LOXL2: variants seen among roughly 807,000 people sequenced by gnomAD.
The protein encoded by LOXL2 is lysyl oxidase like 2.
In LOXL2, 70 loss-of-function variants were observed where a neutral mutation model predicts 93.0. The observed-to-expected ratio is 0.75, with a 90% CI of 0.62 to 0.92. The LOEUF (loss-of-function observed/expected upper bound fraction) is 0.92. Among genes scored for constraint, LOXL2 ranks in the 40% least tolerant of loss-of-function variants. The pLI is 0.00. For missense variants in LOXL2, 973 were observed against 1,054.9 expected (o/e 0.92, Z 1.08); for synonymous variants, 438 against 413.2 (o/e 1.06, Z -0.73).
chr8:23,360,451 G>A (rs1804271674), intron 2 of LOXL2, among the ~76,000 whole-genome samples, 186 bp from the exon 3 acceptor site: 1 of 152,322 alleles, frequency 6.6e-6, no homozygotes, highest in South Asian at 2.1e-4. Context: ...CTGGACCACA[G>A]TAAGCACCTG....
intron 7 of LOXL2, chr8:23,321,878 C>T (rs1803502236): frequency 2.1e-6 from 1 of 469,040 alleles, no homozygotes; most frequent in South Asian, 3.1e-5. Flanking sequence ...TGAGGTAACT[C>T]ACCTCAGATG....
At chr8:23,399,619 T>A (rs1404784117) in intron 1 of LOXL2, among the ~76,000 whole-genome samples, 1 of 152,232 alleles carries the variant, frequency 6.6e-6, no homozygotes, top group Non-Finnish European at 1.5e-5. Context: ...CCTCACCAGG[T>A]ACAGCTCCTG....
intron 1 of LOXL2, among the ~76,000 whole-genome samples, chr8:23,371,943 AAG>A (rs1171316351): frequency 6.6e-6 from 1 of 152,016 alleles, no homozygotes; most frequent in Non-Finnish European, 1.5e-5. Flanking sequence ...GAATCATTGT[AAG>A]AACCATATAC....
chr8:23,343,451 G>A (rs1210226006), intron 3 of LOXL2, among the ~76,000 whole-genome samples: 3 of 152,230 alleles, frequency 2.0e-5, no homozygotes, highest in East Asian at 1.9e-4. Context: ...GGACTGGGAG[G>A]TGGGGCTGGT....
intron 3 of LOXL2, among the ~76,000 whole-genome samples, chr8:23,342,408 A>G (rs912220841): frequency 2.0e-5 from 3 of 149,926 alleles, no homozygotes; most frequent in Non-Finnish European, 4.4e-5. Flanking sequence ...AGGGCCAGCC[A>G]CCAAAGAGCC....
Position 23,368,279 on chromosome 8 carries a change from C to T in LOXL2, c.73G>A (p.Ala25Thr). The T allele has an allele frequency of 6.2e-7, 1 of 1,613,732 alleles. No individual in the cohort carries two copies. ...TAATGGGGCCAGCTGTCATACTGTG[C>T]CAGGCTCAGGGGGGACAGGAGGGCC... ...MLALLSPLSL[A>T]QYDSWPHYPE... The change falls in exon 2 of 14, where the codon GCA (alanine) becomes ACA (threonine). Residue 25 changes from alanine to threonine, a missense_variant. Transcript: ENST00000389131.
intron 3 of LOXL2, among the ~76,000 whole-genome samples, chr8:23,353,654 AC>A (rs1470590555): frequency 6.6e-6 from 1 of 152,240 alleles, no homozygotes; most frequent in African/African-American, 2.4e-5. Flanking sequence ...GATGAAATAA[AC>A]CAAGCCTAGT....
intron 6 of LOXL2, among the ~76,000 whole-genome samples, chr8:23,325,263 A>G: frequency 6.6e-6 from 1 of 152,204 alleles, no homozygotes. Context: ...CTACTAGAAA[A>G]TGCAAAGTTA....
At chr8:23,397,565 T>G (rs1425857226) in intron 1 of LOXL2, among the ~76,000 whole-genome samples, 1 of 151,700 alleles carries the variant, frequency 6.6e-6, no homozygotes, top group African/African-American at 2.4e-5. Flanking sequence ...GATCACGAGG[T>G]CAGGAGATCG....
intron 3 of LOXL2, among the ~76,000 whole-genome samples, chr8:23,342,889 T>C (rs1332497934): frequency 6.6e-6 from 1 of 152,122 alleles, no homozygotes; most frequent in Non-Finnish European, 1.5e-5. Context: ...TAGTTGGAAG[T>C]AGAGGTGTAC....
intron 1 of LOXL2, among the ~76,000 whole-genome samples, chr8:23,371,812 A>AGGAAGGCATTAAAT (rs1322233290): frequency 6.7e-6 from 1 of 148,974 alleles, no homozygotes; most frequent in African/African-American, 2.5e-5. Context: ...CACGAAAGGC[A>AGGAAGGCATTAAAT]GGAAGGCATT....
intron 4 of LOXL2, among the ~76,000 whole-genome samples, chr8:23,338,460 G>A (rs1803831793): frequency 6.6e-6 from 1 of 152,182 alleles, no homozygotes; most frequent in Non-Finnish European, 1.5e-5. Flanking sequence ...GGTTAAGCAG[G>A]TGAGCTTCCG....
intron 3 of LOXL2, among the ~76,000 whole-genome samples, chr8:23,359,748 T>C (rs900367842): frequency 2.0e-5 from 3 of 152,252 alleles, no homozygotes; most frequent in African/African-American, 7.2e-5. Flanking sequence ...GGCAAGCTCC[T>C]GAGCATGGCA....
chr8:23,340,391 A>G (rs1002069515), intron 4 of LOXL2, among the ~76,000 whole-genome samples: 1 of 151,766 alleles, frequency 6.6e-6, no homozygotes, highest in Non-Finnish European at 1.5e-5. Context: ...TCCACTGGAC[A>G]CCCCTTAAGT....
intron 3 of LOXL2, 61 bp downstream of exon 3, chr8:23,360,029 C>T (rs563417623): frequency 2.9e-4 from 431 of 1,478,264 alleles, no homozygotes; most frequent in Middle Eastern, 1.6e-3. Context: ...ACGCAAAAAG[C>T]GAGTTGCATG....
intron 3 of LOXL2, 73 bp downstream of exon 3, chr8:23,360,017 A>G: frequency 5.0e-6 from 7 of 1,387,476 alleles, no homozygotes; most frequent in Non-Finnish European, 5.0e-6. Flanking sequence ...CTTGAAATCA[A>G]TACGCAAAAA....
intron 5 of LOXL2, among the ~76,000 whole-genome samples, chr8:23,329,500 T>C (rs1400270500): frequency 6.6e-6 from 1 of 152,224 alleles, no homozygotes; most frequent in African/African-American, 2.4e-5. Flanking sequence ...ACTCCAGCTG[T>C]CCACATACCC....
intron 10 of LOXL2, among the ~76,000 whole-genome samples, chr8:23,307,953 G>GGAAAAAAAAAAAAAAAAAAAAAAAAA (rs58347035): frequency 1.2e-5 from 1 of 83,522 alleles, no homozygotes; most frequent in African/African-American, 4.7e-5. Flanking sequence ...GCTGCGATAT[G>GGAAAAAAAAAAAAAAAAAAAAAAAAA]AAAAAAAAAA....
At chr8:23,386,008 A>C (rs1334993026) in intron 1 of LOXL2, 1 of 765,332 alleles carries the variant, frequency 1.3e-6, no homozygotes, top group South Asian at 1.3e-5. Context: ...AGCTTTGGAC[A>C]ACCCCCTGAG....
Sources: allele counts gnomAD v4.1 joint callset (sites outside exome capture counted in the v4.1 genomes callset), GRCh38; gene constraint gnomAD v4.1.1; transcripts MANE v1.5; gene names NCBI Gene and HGNC (gene_info 2026-07-23, HGNC 2026-07-21).